PTBP2: variants seen among roughly 807,000 people sequenced by gnomAD.
PTBP2 encodes the protein polypyrimidine tract-binding protein 2.
In PTBP2, 13 loss-of-function variants were observed where a neutral mutation model predicts 61.4. The ratio of observed to expected loss-of-function variants is 0.21; its 90% confidence interval spans 0.14 to 0.34. The LOEUF is 0.34. Among genes scored for constraint, PTBP2 ranks in the 10% least tolerant of loss-of-function variants. The probability of loss-of-function intolerance (pLI) is 1.00; values close to 1 mark genes in which losing one functional copy is unlikely to be tolerated. For synonymous variants in PTBP2, 215 were observed against 218.5 expected, an observed-to-expected ratio of 0.98 and a Z score of 0.14; for missense variants, 405 against 642.6, an observed-to-expected ratio of 0.63 and a Z score of 4.00.
At chr1:96,762,065 C>T (rs1205513461) in intron 3 of PTBP2, among the ~76,000 whole-genome samples, 3 of 150,906 alleles carry the variant, frequency 2.0e-5, no homozygotes, top group African/African-American at 4.9e-5. Context: ...GGTAAGGTCA[C>T]AGATCAACAG....
chr1:96,737,955 T>C (rs1652457015), intron 2 of PTBP2, among the ~76,000 whole-genome samples: 2 of 152,206 alleles, frequency 1.3e-5, no homozygotes, highest in South Asian at 4.1e-4. Context: ...TTAAGGCTTC[T>C]AATCTTCATT....
intron 2 of PTBP2, among the ~76,000 whole-genome samples, chr1:96,734,843 A>G (rs1651929042): frequency 6.8e-6 from 1 of 146,704 alleles, no homozygotes; most frequent in African/African-American, 2.5e-5. Flanking sequence ...AACATTTCTT[A>G]TACTTTACCT....
chr1:96,809,855 ACAGTGTTACCC>A (rs1292835429), intron 11 of PTBP2, among the ~76,000 whole-genome samples: 1 of 152,116 alleles, frequency 6.6e-6, no homozygotes, highest in East Asian at 1.9e-4. Flanking sequence ...TTTAAGAATA[ACAGTGTTACCC>A]CCAGGGAAGG....
chr1:96,734,840 C>G (rs961864589), intron 2 of PTBP2, among the ~76,000 whole-genome samples: 1 of 146,452 alleles, frequency 6.8e-6, no homozygotes, highest in Non-Finnish European at 1.5e-5. Context: ...AGGAACATTT[C>G]TTATACTTTA....
intron 8 of PTBP2, among the ~76,000 whole-genome samples, chr1:96,787,085 G>GTCTC (rs1195406916): frequency 2.6e-5 from 4 of 152,068 alleles, no homozygotes; most frequent in African/African-American, 4.8e-5. Context: ...TGGTGGCGCA[G>GTCTC]TCTCGGCTCA....
intron 3 of PTBP2, among the ~76,000 whole-genome samples, chr1:96,767,162 C>T (rs991673556): frequency 6.6e-5 from 10 of 152,156 alleles, no homozygotes; most frequent in African/African-American, 2.4e-4. Context: ...CAGAAGTTTC[C>T]TACGTTCTTT....
chr1:96,800,471 C>T (rs1054487508), intron 8 of PTBP2, among the ~76,000 whole-genome samples: 6 of 149,912 alleles, frequency 4.0e-5, no homozygotes, highest in Non-Finnish European at 1.5e-5. Context: ...GTGGCTCACA[C>T]CTGTAATCCC....
intron 7 of PTBP2, among the ~76,000 whole-genome samples, chr1:96,781,754 T>C (rs552450720): frequency 1.3e-4 from 20 of 152,140 alleles, no homozygotes; most frequent in African/African-American, 4.6e-4. Context: ...CATGTCTGCT[T>C]TGCTTTCTGC....
chr1:96,781,627 C>A (rs1371181587), intron 7 of PTBP2, among the ~76,000 whole-genome samples: 1 of 151,966 alleles, frequency 6.6e-6, no homozygotes, highest in Non-Finnish European at 1.5e-5. Flanking sequence ...TGAGATAAGT[C>A]TTCTGTAACA....
intron 8 of PTBP2, among the ~76,000 whole-genome samples, chr1:96,799,356 T>C (rs949782176): frequency 2.9e-5 from 4 of 136,062 alleles, no homozygotes; most frequent in Non-Finnish European, 3.0e-5. Context: ...AGTGCAATGG[T>C]GCGATCTCGG....
chr1:96,742,594 G>C (rs938854036), intron 2 of PTBP2, among the ~76,000 whole-genome samples: 2 of 149,350 alleles, frequency 1.3e-5, no homozygotes, highest in Non-Finnish European at 3.0e-5. Flanking sequence ...ACTTTAATTT[G>C]ATCCTGAACT....
chr1:96,723,684 C>T (rs572388144), intron 2 of PTBP2, 90 bp downstream of exon 2: 12 of 1,183,896 alleles, frequency 1.0e-5, no homozygotes, highest in Admixed American at 2.0e-5. Context: ...AAAACTATAA[C>T]GTAGCTAACA....
chr1:96,800,913 GAAA>G (rs200870302), intron 8 of PTBP2, among the ~76,000 whole-genome samples: 5 of 147,124 alleles, frequency 3.4e-5, no homozygotes, highest in Non-Finnish European at 7.5e-5. Context: ...CAGATTTCAA[GAAA>G]AAAAAAATGT....
At chr1:96,767,477 C>G (rs1200111602) in intron 3 of PTBP2, among the ~76,000 whole-genome samples, 1 of 151,950 alleles carries the variant, frequency 6.6e-6, no homozygotes, top group East Asian at 1.9e-4. Context: ...AACTATAACA[C>G]ATGGGGCTTT....
At chr1:96,799,712 C>G (rs536468897) in intron 8 of PTBP2, among the ~76,000 whole-genome samples, 1 of 152,110 alleles carries the variant, frequency 6.6e-6, no homozygotes, top group Non-Finnish European at 1.5e-5. Flanking sequence ...ATAACTTTCT[C>G]AAAGGGCCCT....
Position 96,751,515 on chromosome 1 carries a change from C to A in PTBP2, c.115+15C>A. ...GGTAGTTACAGGTAAGTGTTACTCT[C>A]TTAGCAGTCTGTCATTTGCCATTTT... On this transcript the variant is annotated intron_variant, in intron 3 of 13. Transcript: ENST00000674951. 6.3e-7 allele frequency: 1 copy of A among 1,593,238 alleles called. No individual in the cohort carries two copies. Among genetic ancestry groups the A allele is most frequent in the South Asian group, 1.1e-5 (1 of 88,706 alleles).
intron 3 of PTBP2, among the ~76,000 whole-genome samples, chr1:96,763,500 GA>G (rs1656275681): frequency 6.6e-6 from 1 of 151,478 alleles, no homozygotes; most frequent in Admixed American, 6.6e-5. Context: ...ATCAGGCAGG[GA>G]GGTTGCAGTG....
At chr1:96,763,798 T>G (rs1570850827) in intron 3 of PTBP2, among the ~76,000 whole-genome samples, 1 of 152,188 alleles carries the variant, frequency 6.6e-6, no homozygotes, top group Non-Finnish European at 1.5e-5. Context: ...ATACTGAGTT[T>G]TAAGATTTTT....
chr1:96,771,932 C>G (rs750441227), intron 5 of PTBP2, among the ~76,000 whole-genome samples: 12 of 152,004 alleles, frequency 7.9e-5, no homozygotes, highest in Non-Finnish European at 1.6e-4. Context: ...ACTGTTTTTC[C>G]TCTGCTCACA....
Sources: allele counts gnomAD v4.1 joint callset (sites outside exome capture counted in the v4.1 genomes callset), GRCh38; gene constraint gnomAD v4.1.1; transcripts MANE v1.5; gene names NCBI Gene and HGNC (gene_info 2026-07-23, HGNC 2026-07-21).